The following SLX4IP variants were observed in gnomAD, a reference collection of about 807,000 sequenced individuals.
SLX4IP encodes the protein protein SLX4IP.
In SLX4IP, 34 loss-of-function variants were observed where a neutral mutation model predicts 32.9. That is an observed-to-expected ratio of 1.03 (90% CI 0.79 to 1.38). SLX4IP has a LOEUF of 1.38. SLX4IP is among the 40% of genes most tolerant of loss of function. SLX4IP has a pLI of 0.00. For synonymous variants in SLX4IP, 172 were observed against 171.7 expected (o/e 1.00, Z -0.01); for missense variants, 444 against 479.0 (o/e 0.93, Z 0.68).
intron 2 of SLX4IP, among the ~76,000 whole-genome samples, chr20:10,529,590 C>CAA (rs71334410): frequency 0.41 from 21,836 of 53,506 alleles, 5,330 homozygotes; most frequent in South Asian, 0.58. Flanking sequence ...GACTCCATCT[C>CAA]AAAAAAAAAA....
chr20:10,579,084 A>G lies in SLX4IP; in HGVS notation c.238+18264A>G, dbSNP rs564423302. Among the ~76,000 whole-genome samples, 8 of 152,140 alleles carry G rather than the reference A, an allele frequency of 5.3e-5. No individual in the cohort carries two copies. The South Asian group carries it at 1.2e-3, about 24-fold the overall frequency. On this transcript the variant is annotated intron_variant, in intron 4 of 7. Coordinates refer to ENST00000334534, the MANE Select transcript of SLX4IP (RefSeq NM_001009608.3). ...AAGTTTTTAATTTTAATGATGTCCA[A>G]TTCATCTATGTTGTTGTTGTTGTGC...
intron 4 of SLX4IP, among the ~76,000 whole-genome samples, chr20:10,569,974 G>T (rs2066443479): frequency 6.6e-6 from 1 of 152,226 alleles, no homozygotes; most frequent in Non-Finnish European, 1.5e-5. Flanking sequence ...TTTGCAGGGA[G>T]AGGTGCACAG....
intron 4 of SLX4IP, among the ~76,000 whole-genome samples, chr20:10,590,379 G>T (rs1438973636): frequency 2.7e-5 from 4 of 150,598 alleles, no homozygotes; most frequent in Non-Finnish European, 5.9e-5. Context: ...TTTATTTTTA[G>T]AGACAGAGTC....
intron 2 of SLX4IP, among the ~76,000 whole-genome samples, chr20:10,472,648 C>T (rs984045471): frequency 1.3e-5 from 2 of 152,150 alleles, no homozygotes; most frequent in African/African-American, 4.8e-5. Flanking sequence ...TTGACCAGCA[C>T]CTTGGGAAGT....
chr20:10,556,351 A>T, intron 3 of SLX4IP, 31 bp downstream of exon 3: 1 of 1,579,274 alleles, frequency 6.3e-7, no homozygotes. Context: ...ATTTAATTGC[A>T]AGTAGCTGCT....
At chr20:10,608,282 C>T (rs1017499761) in intron 6 of SLX4IP, among the ~76,000 whole-genome samples, 1 of 152,202 alleles carries the variant, frequency 6.6e-6, no homozygotes, top group African/African-American at 2.4e-5. Flanking sequence ...GAGCACTAGT[C>T]ACCTAACTTG....
intron 2 of SLX4IP, among the ~76,000 whole-genome samples, chr20:10,510,834 G>A (rs1439154979): frequency 1.3e-5 from 2 of 152,070 alleles, no homozygotes; most frequent in Admixed American, 6.6e-5. Context: ...TCGATCTCTC[G>A]ACCTCATGAT....
chr20:10,616,751 C>T (rs138170679), intron 6 of SLX4IP, among the ~76,000 whole-genome samples: 1 of 152,172 alleles, frequency 6.6e-6, no homozygotes. Context: ...ACAGCCTTTC[C>T]TGACCACCAT....
intron 4 of SLX4IP, among the ~76,000 whole-genome samples, chr20:10,595,331 A>C (rs2066756917): frequency 6.6e-6 from 1 of 152,170 alleles, no homozygotes; most frequent in East Asian, 1.9e-4. Context: ...AGGCATACTG[A>C]AATGTGATTT....
At chr20:10,452,827 G>A (rs1199487289) in intron 1 of SLX4IP, among the ~76,000 whole-genome samples, 1 of 151,260 alleles carries the variant, frequency 6.6e-6, no homozygotes, top group Non-Finnish European at 1.5e-5. Context: ...CTTTAGTCTG[G>A]TTGACAAAGT....
intron 4 of SLX4IP, among the ~76,000 whole-genome samples, chr20:10,565,956 G>C (rs554330092): frequency 4.0e-4 from 61 of 152,230 alleles, no homozygotes; most frequent in African/African-American, 1.4e-3. Flanking sequence ...GTGAACTACT[G>C]CCAACAAACC....
chr20:10,468,151 C>T (rs1568694748), intron 2 of SLX4IP, among the ~76,000 whole-genome samples: 1 of 152,182 alleles, frequency 6.6e-6, no homozygotes, highest in Non-Finnish European at 1.5e-5. Context: ...GATGCTGCCT[C>T]CACACACCCT....
At chr20:10,539,837 G>A (rs117162948) in intron 2 of SLX4IP, among the ~76,000 whole-genome samples, 3,947 of 152,136 alleles carry the variant, frequency 0.026, 92 homozygotes, top group Admixed American at 0.085. Flanking sequence ...TTTCATTGGC[G>A]TAGAATTTGG....
chr20:10,488,234 A>T (rs891722543), intron 2 of SLX4IP, among the ~76,000 whole-genome samples: 3 of 152,246 alleles, frequency 2.0e-5, no homozygotes, highest in African/African-American at 7.2e-5. Flanking sequence ...CACTAGGGTG[A>T]ACCCTAAACC....
intron 6 of SLX4IP, among the ~76,000 whole-genome samples, chr20:10,619,867 G>T (rs980163828): frequency 6.6e-6 from 1 of 152,086 alleles, no homozygotes; most frequent in African/African-American, 2.4e-5. Flanking sequence ...CAAAAAAAAA[G>T]GGAGTATAAT....
intron 2 of SLX4IP, among the ~76,000 whole-genome samples, chr20:10,526,709 G>A (rs754656046): frequency 6.6e-6 from 1 of 152,184 alleles, no homozygotes; most frequent in Non-Finnish European, 1.5e-5. Context: ...CCAGCACTTT[G>A]GGAGGCTGAG....
intron 2 of SLX4IP, among the ~76,000 whole-genome samples, chr20:10,552,748 A>C (rs1037445433): frequency 4.6e-5 from 7 of 152,142 alleles, no homozygotes; most frequent in African/African-American, 1.7e-4. Flanking sequence ...ATTGGACCTT[A>C]CTATTAGGTT....
chr20:10,506,526 C>T (rs1169304735), intron 2 of SLX4IP, among the ~76,000 whole-genome samples: 2 of 152,188 alleles, frequency 1.3e-5, no homozygotes, highest in African/African-American at 4.8e-5. Context: ...CTCTCTGGCT[C>T]TCTTGAAGAG....
At chr20:10,449,624 A>G (rs2122328635) in intron 1 of SLX4IP, among the ~76,000 whole-genome samples, 2 of 152,338 alleles carry the variant, frequency 1.3e-5, no homozygotes, top group East Asian at 3.9e-4. Context: ...CAAGGCTGGG[A>G]GTAGAGGGTC....
Sources: gnomAD v4.1 joint callset for allele counts (sites outside exome capture counted in the v4.1 genomes callset) on GRCh38, gnomAD v4.1.1 for gene constraint, MANE v1.5 for transcripts, NCBI Gene and HGNC (gene_info 2026-07-23, HGNC 2026-07-21) for gene names.